Variants in COQ8B observed in about 807,000 individuals in gnomAD.
COQ8B encodes the protein atypical kinase COQ8B, mitochondrial.
A neutral mutation model predicts 62.0 loss-of-function variants in COQ8B; 44 were observed. The observed-to-expected ratio is 0.71, with a 90% CI of 0.56 to 0.91. The LOEUF (loss-of-function observed/expected upper bound fraction) is 0.91. Ranked by LOEUF, COQ8B falls within the 40% of genes least tolerant of loss-of-function variation. The pLI is 0.00. For synonymous variants in COQ8B, 252 were observed against 289.9 expected (o/e 0.87, Z 1.33); for missense variants, 649 against 731.6 (o/e 0.89, Z 1.30).
intron 5 of COQ8B, among the ~76,000 whole-genome samples, chr19:40,709,366 C>T (rs925818864): frequency 6.6e-6 from 1 of 152,172 alleles, no homozygotes; most frequent in Non-Finnish European, 1.5e-5. Context: ...CCACTTGTTT[C>T]AAGACATTGA....
At chr19:40,704,038 G>T in intron 7 of COQ8B, 183 bp from the exon 8 acceptor site, 1 of 715,676 alleles carries the variant, frequency 1.4e-6, no homozygotes, top group Non-Finnish European at 2.2e-6. Flanking sequence ...CAAGTGACTA[G>T]CCAGGCACTG....
intron 12 of COQ8B, among the ~76,000 whole-genome samples, chr19:40,697,876 A>AGAGAGAGAGAGAGAGAGT (rs1316282364): frequency 1.4e-5 from 1 of 71,204 alleles, no homozygotes; most frequent in Non-Finnish European, 3.3e-5. Flanking sequence ...AGAGAGAGAG[A>AGAGAGAGAGAGAGAGAGT]GTTTCTACTG....
rs111409979 is a variant in COQ8B at position 40,691,861 on chromosome 19, G to A, written c.*174C>T. 2.7e-3 allele frequency: 1,439 copies of A among 530,018 alleles called. 23 individuals are homozygous for A. The highest frequency in any genetic ancestry group is 0.025 in the African/African-American group (1,302 of 52,416). 32.8% of individuals were successfully genotyped at this position (530,018 alleles called of 1,614,324 possible). A position where few individuals can be genotyped will look rare whatever the true frequency, so the allele number is the denominator to read the frequency against. On this transcript the variant is annotated 3_prime_UTR_variant, in exon 15 of 15. Coordinates refer to ENST00000324464, the MANE Select transcript of COQ8B (RefSeq NM_024876.4). Reference sequence around the variant, plus strand: ...TGGGGAGGTGCAGGATCTAGGGCACGAAGTTGGGAGTTCCCCAGCCCCAGG... The same window carrying A: ...TGGGGAGGTGCAGGATCTAGGGCACAAAGTTGGGAGTTCCCCAGCCCCAGG...
chr19:40,701,039 G>A (rs2082056966), intron 10 of COQ8B: 1 of 153,472 alleles, frequency 6.5e-6, no homozygotes, highest in Non-Finnish European at 1.5e-5. Flanking sequence ...ATTGAGGTAA[G>A]TGTGTTGGCT....
rs757244108 is a variant in COQ8B at position 40,714,356 on chromosome 19, A to G, written c.144T>C (p.Asp48=). Residue 48 remains aspartate, a synonymous_variant, in exon 3 of 15, where the codon GAT becomes GAC. Transcript: ENST00000324464. ...GGSWAQKFYQ[D]GPGRGLGEED... is the part of the protein sequence containing the mutation. The stretch of plus-strand genomic sequence containing the variant: ...CCTCACCCAGGCCTCTCCCAGGCCC[A>G]TCCTGGTAAAACTTTTGGGCCCAAG... The G allele has an allele frequency of 6.2e-7, 1 of 1,614,086 alleles. No homozygotes were observed. Among genetic ancestry groups the G allele is most frequent in the South Asian group, 1.1e-5 (1 of 91,066 alleles).
At chr19:40,699,757 G>C (rs980560170) in intron 12 of COQ8B, among the ~76,000 whole-genome samples, 3 of 152,206 alleles carry the variant, frequency 2.0e-5, no homozygotes, top group African/African-American at 7.2e-5. Flanking sequence ...GAAGTGCTAT[G>C]TCCATTGCCC....
At position 40,710,253 on chromosome 19, in the gene COQ8B, T is replaced by A. The variant is rs193142873; in HGVS notation, c.290-117A>T. The stretch of plus-strand genomic sequence containing the variant: ...TTGTCTCCCAACTCTTTTTATTTTT[T>A]CTTTTGTTTGAGATGGAGTCTCGCT... On this transcript the variant is annotated intron_variant, in intron 4 of 14. Coordinates refer to ENST00000324464, the MANE Select transcript of COQ8B (RefSeq NM_024876.4). The A allele has an allele frequency of 4.0e-4, 413 of 1,036,138 alleles. 2 individuals carry two copies. In the African/African-American group the frequency reaches 5.8e-3, roughly 15 times the overall value. The allele number at this position is 1,036,138 out of a possible 1,614,324, so 64.2% of individuals were successfully genotyped here. A position where few individuals can be genotyped will look rare whatever the true frequency, so the allele number is the denominator to read the frequency against.
chr19:40,713,150 T>A (rs2082155174), intron 4 of COQ8B, among the ~76,000 whole-genome samples: 1 of 152,214 alleles, frequency 6.6e-6, no homozygotes, highest in Non-Finnish European at 1.5e-5. Flanking sequence ...TCACTTGAGG[T>A]CAGGAGTTCA....
intron 7 of COQ8B, chr19:40,704,511 G>C (rs1352300786): frequency 6.5e-6 from 1 of 153,208 alleles, no homozygotes; most frequent in African/African-American, 2.4e-5. Context: ...TGATCAAGAA[G>C]AGCTAAAATT....
intron 4 of COQ8B, among the ~76,000 whole-genome samples, chr19:40,712,905 T>C (rs2082153312): frequency 1.3e-5 from 2 of 152,172 alleles, no homozygotes; most frequent in Admixed American, 6.5e-5. Context: ...ACACTGCACA[T>C]TACAGGTTCT....
chr19:40,695,843 C>T, intron 13 of COQ8B, 146 bp downstream of exon 13: 1 of 798,478 alleles, frequency 1.3e-6, no homozygotes. Context: ...ATATTAAGTG[C>T]TTGGTGTGTG....
Position 40,705,329 on chromosome 19 carries a change from G to A in COQ8B, c.486C>T (p.Ile162=). 6.3e-7 allele frequency: 1 copy of A among 1,592,202 alleles called. No individual in the cohort carries two copies. The highest frequency in any genetic ancestry group is 8.6e-7 in the Non-Finnish European group (1 of 1,163,856). ...AALKVGQMLS[I]QDNSFISPQL... ...GAGTCGAGGGTCATGCTGTACCCTG[G>A]ATGCTGAGCATCTGGCCAACCTTGA... The change falls in exon 6 of 15, where the codon ATC becomes ATT. Residue 162 remains isoleucine (I), a synonymous_variant. Transcript: ENST00000324464.
rs1237964708 is a variant in COQ8B, at chr19:40,692,008, T to A, written c.*27A>T. The A allele has an allele frequency of 6.4e-7, 1 of 1,565,052 alleles. No homozygotes were observed. On this transcript the variant is annotated 3_prime_UTR_variant, in exon 15 of 15. Coordinates refer to ENST00000324464, the MANE Select transcript of COQ8B (RefSeq NM_024876.4). ...CACTACAGCAGGGTACGGCCTGCTCTGGGGACTGAATCCCCCATGGAGGCT... is the reference window on the plus strand; with the variant it reads ...CACTACAGCAGGGTACGGCCTGCTCAGGGGACTGAATCCCCCATGGAGGCT...
chr19:40,699,345 T>C (rs2082043383), intron 12 of COQ8B, among the ~76,000 whole-genome samples: 2 of 151,784 alleles, frequency 1.3e-5, no homozygotes, highest in South Asian at 2.1e-4. Context: ...TGGGATCCCA[T>C]AACTTCCTGT....
intron 12 of COQ8B, among the ~76,000 whole-genome samples, chr19:40,697,843 T>C (rs1281561050): frequency 2.1e-5 from 1 of 48,778 alleles, no homozygotes; most frequent in Non-Finnish European, 4.1e-5. Flanking sequence ...TATATATATA[T>C]ATATATATAG....
chr19:40,713,566 A>AAT (rs1568444001), intron 4 of COQ8B, among the ~76,000 whole-genome samples: 7 of 144,542 alleles, frequency 4.8e-5, no homozygotes, highest in Non-Finnish European at 7.6e-5. Flanking sequence ...AAAAAAAAAA[A>AAT]ATAGCCAGGC....
intron 1 of COQ8B, chr19:40,715,919 C>T (rs1568445317): frequency 6.6e-6 from 1 of 152,430 alleles, no homozygotes; most frequent in African/African-American, 2.4e-5. Context: ...GCTGACTCAC[C>T]CACTTCTCAC....
rs376081117 is a variant in COQ8B at position 40,705,465 on chromosome 19, A to G, written c.368-18T>C. On this transcript the variant is annotated intron_variant, in intron 5 of 14. Transcript: ENST00000324464. ...ACCACCCTCTGGGGAGAGAACAACC[A>G]TTAGAATTATAACCACAAATATCAT... The G allele has an allele frequency of 2.4e-5, 37 of 1,530,404 alleles. No individual in the cohort carries two copies. The highest frequency in any genetic ancestry group is 3.1e-5 in the Non-Finnish European group (35 of 1,135,314). 94.8% of individuals were successfully genotyped at this position (1,530,404 alleles called of 1,614,324 possible).
chr19:40,698,393 C>G (rs2082035886), intron 12 of COQ8B, among the ~76,000 whole-genome samples: 1 of 151,482 alleles, frequency 6.6e-6, no homozygotes, highest in South Asian at 2.1e-4. Flanking sequence ...AAAAAATTAG[C>G]CAGGTGTGGT....
Sources: gnomAD v4.1 joint callset for allele counts (sites outside exome capture counted in the v4.1 genomes callset) on GRCh38, gnomAD v4.1.1 for gene constraint, MANE v1.5 for transcripts, NCBI Gene and HGNC (gene_info 2026-07-23, HGNC 2026-07-21) for gene names.